The following ABLIM1 variants were observed in gnomAD, a reference collection of about 807,000 sequenced individuals.
The protein encoded by ABLIM1 is actin binding LIM protein 1.
ABLIM1 carries 40 observed loss-of-function variants against 107.0 expected under a neutral mutation model. The observed-to-expected ratio is 0.37, with a 90% CI of 0.29 to 0.49. ABLIM1 has a LOEUF of 0.49. Among genes scored for constraint, ABLIM1 ranks in the 20% least tolerant of loss-of-function variants. The probability of loss-of-function intolerance (pLI) is 0.97; values close to 1 mark genes in which losing one functional copy is unlikely to be tolerated. For synonymous variants in ABLIM1, 357 were observed against 357.3 expected, an observed-to-expected ratio of 1.00 and a Z score of 0.01; for missense variants, 857 against 1,008.5, an observed-to-expected ratio of 0.85 and a Z score of 2.04.
upstream of ABLIM1, among the ~76,000 whole-genome samples, chr10:114,685,896 G>C (rs60410790): frequency 0.025 from 3,758 of 152,240 alleles, 145 homozygotes; most frequent in African/African-American, 0.085. Flanking sequence ...CATTTAAAAT[G>C]TAATGGAGGC....
chr10:114,575,337 T>A (rs2072364187), intron 3 of ABLIM1, 79 bp downstream of exon 3: 2 of 1,505,066 alleles, frequency 1.3e-6, no homozygotes, highest in African/African-American at 1.4e-5. Context: ...AAAAGGTGTA[T>A]AATCCAACCT....
In ABLIM1 at chr10:114,537,639, A is replaced by G. The variant is rs2066184123; in HGVS notation, c.894+7366T>C. 2.0e-5 allele frequency among the ~76,000 whole-genome samples: 3 copies of G among 152,220 alleles called. No individual in the cohort carries two copies. In the South Asian group the frequency reaches 6.2e-4, roughly 32 times the overall value. Reference sequence around the variant, plus strand: ...GCTTGCAGGCCTGTGGTGAGAATTAAATGTTTATGAGATCACTTGCAGATG... The same window carrying G: ...GCTTGCAGGCCTGTGGTGAGAATTAGATGTTTATGAGATCACTTGCAGATG... On this transcript the variant is annotated intron_variant, in intron 6 of 22. Transcript: ENST00000533213.
chr10:114,444,550 A>AT (rs1164395611), intron 16 of ABLIM1, among the ~76,000 whole-genome samples: 1 of 152,184 alleles, frequency 6.6e-6, no homozygotes, highest in Non-Finnish European at 1.5e-5. Context: ...AATTTTACAG[A>AT]TTTTGGAAAA....
chr10:114,776,067 G>T, the ABLIM1 span: 1 of 152,208 alleles, frequency 6.6e-6, no homozygotes, highest in Non-Finnish European at 1.5e-5. Context: ...ATATAGAGGG[G>T]TATGAGGAAG....
chr10:114,611,580 C>T (rs72831041), intron 1 of ABLIM1, among the ~76,000 whole-genome samples: 4,145 of 152,238 alleles, frequency 0.027, 77 homozygotes, highest in Non-Finnish European at 0.039. Context: ...TGTCAGCAAC[C>T]GTCAGCTGGA....
intron 1 of ABLIM1, among the ~76,000 whole-genome samples, chr10:114,607,738 G>A (rs2076523340): frequency 6.6e-6 from 1 of 152,088 alleles, no homozygotes; most frequent in Non-Finnish European, 1.5e-5. Context: ...CACCTGACAA[G>A]TACTCTTCAA....
intron 4 of ABLIM1, among the ~76,000 whole-genome samples, chr10:114,558,909 GTGTC>G (rs1331084619): frequency 4.0e-5 from 6 of 151,640 alleles, no homozygotes; most frequent in African/African-American, 1.2e-4. Flanking sequence ...ACTAGTGTGT[GTGTC>G]TGTGTGTGTG....
intron 6 of ABLIM1, among the ~76,000 whole-genome samples, chr10:114,540,593 G>T (rs2066534067): frequency 6.6e-6 from 1 of 152,168 alleles, no homozygotes; most frequent in African/African-American, 2.4e-5. Context: ...ACAGCCCCAA[G>T]AGGCTGAACA....
At chr10:114,610,533 C>T (rs557744726) in intron 1 of ABLIM1, 8 of 152,340 alleles carry the variant, frequency 5.3e-5, no homozygotes, top group African/African-American at 1.9e-4. Flanking sequence ...CCTCCTACTC[C>T]CTTTCTTTGT....
chr10:114,729,284 G>A (rs959725127), intron 1 of ABLIM1, among the ~76,000 whole-genome samples: 8 of 152,024 alleles, frequency 5.3e-5, no homozygotes, highest in Non-Finnish European at 7.4e-5. Flanking sequence ...TACACCCTGA[G>A]CTCCAAAACA....
intron 1 of ABLIM1, among the ~76,000 whole-genome samples, chr10:114,743,187 A>G (rs962192094): frequency 5.9e-5 from 9 of 152,222 alleles, no homozygotes; most frequent in Non-Finnish European, 1.5e-5. Context: ...TAATTTGCCT[A>G]AAAGTGAAGA....
intron 1 of ABLIM1, among the ~76,000 whole-genome samples, chr10:114,676,469 C>G (rs147660531): frequency 0.013 from 1,906 of 151,252 alleles, 50 homozygotes; most frequent in African/African-American, 0.044. Flanking sequence ...GAGCTAGACT[C>G]CATCTCAAAA....
At chr10:114,692,723 C>G (rs1407713929) in intron 1 of ABLIM1, among the ~76,000 whole-genome samples, 1 of 152,120 alleles carries the variant, frequency 6.6e-6, no homozygotes, top group Non-Finnish European at 1.5e-5. Flanking sequence ...AACCTCGTCT[C>G]TACTAAAAAT....
At chr10:114,637,035 T>TA (rs3061732) in intron 1 of ABLIM1, among the ~76,000 whole-genome samples, 22,064 of 103,762 alleles carry the variant, frequency 0.21, 2,698 homozygotes, top group East Asian at 0.42. Flanking sequence ...GCTGTCTCTT[T>TA]AAAAAAAAAA....
intron 7 of ABLIM1, among the ~76,000 whole-genome samples, chr10:114,491,223 C>T (rs1344887715): frequency 1.3e-5 from 2 of 151,348 alleles, no homozygotes; most frequent in Non-Finnish European, 2.9e-5. Flanking sequence ...TTGTTATCTC[C>T]TATTCTCTCT....
At chr10:114,693,025 C>A (rs2081116599) in intron 1 of ABLIM1, among the ~76,000 whole-genome samples, 1 of 152,230 alleles carries the variant, frequency 6.6e-6, no homozygotes, top group East Asian at 1.9e-4. Flanking sequence ...AGCAAATACT[C>A]CTCCCTAACA....
At chr10:114,460,323 G>A (rs1301712658) in intron 12 of ABLIM1, among the ~76,000 whole-genome samples, 10 of 152,164 alleles carry the variant, frequency 6.6e-5, no homozygotes, top group Non-Finnish European at 1.2e-4. Flanking sequence ...ATTTAAGGTC[G>A]GGCGCGGTGG....
At chr10:114,441,584 C>T in intron 18 of ABLIM1, 138 bp downstream of exon 18, 1 of 702,042 alleles carries the variant, frequency 1.4e-6, no homozygotes, top group South Asian at 2.4e-5. Context: ...ATTTACTAGG[C>T]AACCAGGGAG....
At chr10:114,634,787 C>T (rs550433929) in intron 1 of ABLIM1, among the ~76,000 whole-genome samples, 7 of 152,250 alleles carry the variant, frequency 4.6e-5, no homozygotes, top group African/African-American at 1.4e-4. Flanking sequence ...AAAGTCCCCC[C>T]GCCAATCAGA....
Sources: gnomAD v4.1 joint callset for allele counts (sites outside exome capture counted in the v4.1 genomes callset) on GRCh38, gnomAD v4.1.1 for gene constraint, MANE v1.5 for transcripts, NCBI Gene and HGNC (gene_info 2026-07-23, HGNC 2026-07-21) for gene names.